Variants in ECHDC1 observed in about 807,000 individuals in gnomAD.
ECHDC1 encodes the protein ethylmalonyl-CoA decarboxylase 1, also known as ethylmalonyl-CoA decarboxylase.
ECHDC1 carries 29 observed loss-of-function variants against 29.7 expected under a neutral mutation model. That is an observed-to-expected ratio of 0.98 (90% CI 0.73 to 1.33). ECHDC1 has a LOEUF of 1.33. Among genes scored for constraint, ECHDC1 ranks in the 40% most tolerant of loss-of-function variants. The pLI is 0.00. For synonymous variants in ECHDC1, 126 were observed against 123.1 expected (o/e 1.02, Z -0.15); for missense variants, 328 against 350.0 (o/e 0.94, Z 0.50).
intron 1 of ECHDC1, 165 bp downstream of exon 1, chr6:127,343,171 C>A (rs1785112540): frequency 6.6e-6 from 1 of 152,206 alleles, no homozygotes; most frequent in African/African-American, 2.4e-5. Context: ...GCGGGGCAGG[C>A]CTGCGCGGCG....
At chr6:127,317,884 T>C (rs973699794) in intron 3 of ECHDC1, 1 of 152,216 alleles carries the variant, frequency 6.6e-6, no homozygotes, top group Non-Finnish European at 1.5e-5. Context: ...TGGCTTTGCT[T>C]TCTCCCACCC....
chr6:127,324,500 C>T (rs1391640199), intron 3 of ECHDC1, among the ~76,000 whole-genome samples: 3 of 152,096 alleles, frequency 2.0e-5, no homozygotes, highest in Non-Finnish European at 2.9e-5. Context: ...CAGGTAGGCT[C>T]GACTAACCCA....
At chr6:127,337,392 C>A (rs1000119399) in intron 1 of ECHDC1, among the ~76,000 whole-genome samples, 15 of 152,302 alleles carry the variant, frequency 9.8e-5, no homozygotes, top group Admixed American at 2.0e-4. Flanking sequence ...AATCCTTTAT[C>A]TTTAACCTGA....
In ECHDC1 at chr6:127,290,293, G is replaced by A. The variant is rs1780037263; in HGVS notation, c.498-16C>T. On this transcript the variant is annotated splice_polypyrimidine_tract_variant and intron_variant, in intron 5 of 5. Coordinates refer to ENST00000454859, the MANE Select transcript of ECHDC1 (RefSeq NM_001002030.2). ...AGTCATTAACCTGTAAAAGAAAAAA[G>A]AAAAGCTTAATTGTAACTCTCTCTG... 2 of 1,597,978 alleles carry A rather than the reference G, an allele frequency of 1.3e-6. No homozygotes were observed. Among genetic ancestry groups the A allele is most frequent in the African/African-American group, 2.7e-5 (2 of 73,892 alleles).
intron 5 of ECHDC1, among the ~76,000 whole-genome samples, chr6:127,308,290 T>TA (rs1250534804): frequency 2.0e-5 from 3 of 152,094 alleles, no homozygotes; most frequent in African/African-American, 7.2e-5. Context: ...ATTAAAAAGA[T>TA]CATTCAACAT....
chr6:127,332,113 G>A (rs890870396), intron 1 of ECHDC1, among the ~76,000 whole-genome samples: 1 of 152,074 alleles, frequency 6.6e-6, no homozygotes, highest in African/African-American at 2.4e-5. Context: ...CCCAAATCAA[G>A]AAACAGAACA....
chr6:127,311,669 C>CAAAAAAAAAAAAAAAAAAAAAAAAAA (rs71272311), intron 5 of ECHDC1, among the ~76,000 whole-genome samples: 5 of 25,036 alleles, frequency 2.0e-4, no homozygotes, highest in Admixed American at 4.1e-4. Flanking sequence ...GGCTCTGTCT[C>CAAAAAAAAAAAAAAAAAAAAAAAAAA]AAAAAAAAAA....
At chr6:127,323,724 C>T (rs1432077785) in intron 3 of ECHDC1, among the ~76,000 whole-genome samples, 5 of 152,106 alleles carry the variant, frequency 3.3e-5, no homozygotes, top group African/African-American at 1.2e-4. Flanking sequence ...TCATATACTA[C>T]ATACAGTGGC....
chr6:127,334,065 C>T (rs1784210972), intron 1 of ECHDC1, among the ~76,000 whole-genome samples: 1 of 152,104 alleles, frequency 6.6e-6, no homozygotes, highest in Admixed American at 6.6e-5. Context: ...TTTTATTCTT[C>T]TGCTCACAAC....
chr6:127,310,819 G>A (rs1240461153), intron 5 of ECHDC1, among the ~76,000 whole-genome samples: 1 of 152,034 alleles, frequency 6.6e-6, no homozygotes, highest in East Asian at 1.9e-4. Context: ...ACAAACTTTT[G>A]TTGTCTTAGT....
intron 3 of ECHDC1, among the ~76,000 whole-genome samples, chr6:127,324,890 C>T (rs889374953): frequency 6.6e-5 from 10 of 151,906 alleles, no homozygotes; most frequent in African/African-American, 2.4e-4. Context: ...GGAAGAAGAC[C>T]CAAATCCCCC....
chr6:127,309,205 T>A (rs1310305015), intron 5 of ECHDC1, among the ~76,000 whole-genome samples: 1 of 152,066 alleles, frequency 6.6e-6, no homozygotes, highest in Non-Finnish European at 1.5e-5. Context: ...CTTCAAATTA[T>A]ACCACAGAGC....
At position 127,304,185 on chromosome 6, in the gene ECHDC1, G is replaced by C. The variant is rs553777985; in HGVS notation, c.497+10631C>G. 5.4e-4 allele frequency among the ~76,000 whole-genome samples: 83 copies of C among 152,294 alleles called. 1 individual carries two copies. Among genetic ancestry groups the C allele is most frequent in the African/African-American group, 2.0e-3 (82 of 41,552 alleles). ...GTTCACTTCACCCTCAGCTCCACGG[G>C]GCTCAGCAGAGAGAGAGAGAGATGT... On this transcript the variant is annotated intron_variant, in intron 5 of 5. Coordinates refer to ENST00000454859, the MANE Select transcript of ECHDC1 (RefSeq NM_001002030.2).
At chr6:127,322,817 T>C (rs879756259) in intron 3 of ECHDC1, among the ~76,000 whole-genome samples, 3 of 152,118 alleles carry the variant, frequency 2.0e-5, no homozygotes, top group Non-Finnish European at 2.9e-5. Context: ...AGAGATGTTT[T>C]CCTAACCAGC....
chr6:127,321,215 A>G (rs1466793042), intron 3 of ECHDC1, among the ~76,000 whole-genome samples: 1 of 152,208 alleles, frequency 6.6e-6, no homozygotes, highest in Non-Finnish European at 1.5e-5. Context: ...TCAGCAAGTA[A>G]GTAGATGCTA....
chr6:127,303,311 A>C (rs1055344853), intron 5 of ECHDC1, among the ~76,000 whole-genome samples: 3 of 152,178 alleles, frequency 2.0e-5, no homozygotes, highest in African/African-American at 7.2e-5. Context: ...ATTACCATAA[A>C]ATTCAGGGTA....
intron 5 of ECHDC1, among the ~76,000 whole-genome samples, chr6:127,309,577 C>T (rs1269718693): frequency 2.0e-5 from 3 of 151,268 alleles, no homozygotes; most frequent in African/African-American, 7.3e-5. Context: ...ACCTCAAACT[C>T]TGGAACCACT....
rs972726244 is a variant in ECHDC1 at position 127,316,458 on chromosome 6, T to A, written c.408A>T (p.Arg136Ser). 3 of 1,603,998 alleles carry A rather than the reference T, an allele frequency of 1.9e-6. No individual in the cohort carries two copies. Among genetic ancestry groups the A allele is most frequent in the Non-Finnish European group, 1.7e-6 (2 of 1,176,208 alleles). Residue 136 changes from arginine to serine, a missense_variant, in exon 4 of 6, where the codon AGA (arginine) becomes AGT (serine). Arg to Ser is a moderately radical substitution (Grantham distance 110, BLOSUM62 -1). Coordinates refer to ENST00000454859, the MANE Select transcript of ECHDC1 (RefSeq NM_001002030.2). Reference protein sequence around the residue: ...VCMFMQNTLTRFMRLPLISVA... With the variant: ...VCMFMQNTLTSFMRLPLISVA... ...AAAGAAGGCTGCATTACCTCATAAA[T>A]CTTGTTAAGGTGTTTTGCATGAACA...
chr6:127,329,221 C>G (rs17054536), intron 2 of ECHDC1, among the ~76,000 whole-genome samples: 10,577 of 151,712 alleles, frequency 0.07, 390 homozygotes, highest in South Asian at 0.097. Context: ...CAAAGTAAAC[C>G]TCAAAAGATG....
Sources: allele counts gnomAD v4.1 joint callset (sites outside exome capture counted in the v4.1 genomes callset), GRCh38; gene constraint gnomAD v4.1.1; transcripts MANE v1.5; gene names NCBI Gene and HGNC (gene_info 2026-07-23, HGNC 2026-07-21).